The following MINDY3 variants were observed in gnomAD, a reference collection of about 807,000 sequenced individuals.
MINDY3 encodes MINDY lysine 48 deubiquitinase 3, also known as ubiquitin carboxyl-terminal hydrolase MINDY-3.
Under a neutral mutation model 69.2 loss-of-function variants are expected in MINDY3, and 38 were observed. The observed-to-expected ratio is 0.55, with a 90% CI of 0.42 to 0.72. The LOEUF (loss-of-function observed/expected upper bound fraction) is 0.72. Ranked by LOEUF, MINDY3 falls within the 30% of genes least tolerant of loss-of-function variation. The pLI, the probability that MINDY3 is intolerant of heterozygous loss-of-function variation, is 0.00. For synonymous variants in MINDY3, 192 were observed against 180.1 expected (o/e 1.07, Z -0.53); for missense variants, 522 against 519.0 (o/e 1.01, Z -0.06).
chr10:15,804,440 GA>G (rs1740083524), intron 10 of MINDY3, among the ~76,000 whole-genome samples: 1 of 152,092 alleles, frequency 6.6e-6, no homozygotes, highest in South Asian at 2.1e-4. Context: ...GTTGGCTGGG[GA>G]TAAGTAATTC....
At chr10:15,816,335 G>C (rs1443017304) in intron 10 of MINDY3, among the ~76,000 whole-genome samples, 1 of 150,368 alleles carries the variant, frequency 6.7e-6, no homozygotes, top group Non-Finnish European at 1.5e-5. Flanking sequence ...ATATATTTCA[G>C]CTATTTCAAT....
At chr10:15,800,422 C>A (rs1341998683) in intron 10 of MINDY3, among the ~76,000 whole-genome samples, 1 of 152,104 alleles carries the variant, frequency 6.6e-6, no homozygotes, top group Non-Finnish European at 1.5e-5. Context: ...ATCACCATCT[C>A]CTGATGCTAT....
At chr10:15,842,802 T>A (rs1472273557) in intron 3 of MINDY3, among the ~76,000 whole-genome samples, 2 of 149,540 alleles carry the variant, frequency 1.3e-5, no homozygotes, top group Non-Finnish European at 3.0e-5. Flanking sequence ...TGCAATTTCA[T>A]CCAAAATTAT....
At chr10:15,828,761 A>C (rs1840261753) in intron 8 of MINDY3, among the ~76,000 whole-genome samples, 1 of 152,214 alleles carries the variant, frequency 6.6e-6, no homozygotes, top group African/African-American at 2.4e-5. Context: ...CAAGGCAAAA[A>C]ACAGACTAGG....
intron 9 of MINDY3, chr10:15,818,117 G>C (rs1839499662): frequency 6.6e-6 from 1 of 152,086 alleles, no homozygotes; most frequent in South Asian, 2.1e-4. Flanking sequence ...TATACATAAG[G>C]AACCAGAGAA....
intron 14 of MINDY3, 116 bp from the exon 15 acceptor site, chr10:15,779,257 CTT>C (rs2131808670): frequency 1.3e-6 from 1 of 756,310 alleles, no homozygotes; most frequent in East Asian, 3.0e-5. Flanking sequence ...TCAGATGAAA[CTT>C]GACATGTAAT....
chr10:15,792,917 G>A (rs1837529543), intron 11 of MINDY3, among the ~76,000 whole-genome samples: 1 of 151,962 alleles, frequency 6.6e-6, no homozygotes, highest in Non-Finnish European at 1.5e-5. Context: ...ACAACACCAT[G>A]GTTAATGTAT....
chr10:15,838,647 G>A (rs1833252583), intron 4 of MINDY3, among the ~76,000 whole-genome samples: 1 of 151,544 alleles, frequency 6.6e-6, no homozygotes, highest in South Asian at 2.1e-4. Flanking sequence ...TATCATCAGA[G>A]CTAACCTTCC....
chr10:15,837,541 C>G (rs1429841019), intron 5 of MINDY3: 5 of 1,429,152 alleles, frequency 3.5e-6, no homozygotes, highest in East Asian at 3.3e-5. Flanking sequence ...AGAACACCTA[C>G]TTGGCAGGGA....
chr10:15,781,066 C>G (rs1836490736), intron 14 of MINDY3, among the ~76,000 whole-genome samples: 2 of 152,078 alleles, frequency 1.3e-5, no homozygotes, highest in Admixed American at 1.3e-4. Flanking sequence ...GTGCAAACAT[C>G]AAACTCTAGA....
intron 8 of MINDY3, among the ~76,000 whole-genome samples, chr10:15,826,536 C>T (rs952003899): frequency 6.6e-6 from 1 of 152,014 alleles, no homozygotes; most frequent in Non-Finnish European, 1.5e-5. Flanking sequence ...GTAACCAATC[C>T]AAATCTTCAA....
In MINDY3 at chr10:15,778,877, GTTA is replaced by G; in HGVS notation, c.*112_*114del. 2 of 777,494 alleles carry G rather than the reference GTTA, an allele frequency of 2.6e-6. No homozygotes were observed. Among genetic ancestry groups the G allele is most frequent in the Non-Finnish European group, 4.0e-6 (2 of 504,006 alleles). The allele number at this position is 777,494 out of a possible 1,614,324, so 48.2% of individuals were successfully genotyped here. ...AAACACTGAAAATGTGTTTTTAATT[GTTA>G]TTTACAGTTAATCAGTGATACCAGT... is the stretch of plus-strand genomic sequence containing the variant. On this transcript the variant is annotated 3_prime_UTR_variant, in exon 15 of 15. Transcript: ENST00000277632.
chr10:15,812,270 G>A (rs982472026), intron 10 of MINDY3, among the ~76,000 whole-genome samples: 1 of 152,088 alleles, frequency 6.6e-6, no homozygotes, highest in Non-Finnish European at 1.5e-5. Flanking sequence ...AAATTTCAAT[G>A]TTCTATAATT....
chr10:15,831,866 G>A lies in MINDY3; in HGVS notation c.730+1764C>T, dbSNP rs549736299. The stretch of plus-strand genomic sequence containing the variant: ...AATTTTTGTATTTCTAGTAGAGACG[G>A]GGTTTCACTGTGTTGGCCAGGCTGG... On this transcript the variant is annotated intron_variant, in intron 8 of 14. Transcript: ENST00000277632. Among the ~76,000 whole-genome samples the A allele has an allele frequency of 1.1e-4, 17 of 152,062 alleles. 1 individual carries two copies. The highest frequency in any genetic ancestry group is 3.4e-3 in the Middle Eastern group (1 of 292).
At chr10:15,794,504 T>C (rs1837659684) in intron 11 of MINDY3, among the ~76,000 whole-genome samples, 1 of 152,090 alleles carries the variant, frequency 6.6e-6, no homozygotes, top group Non-Finnish European at 1.5e-5. Flanking sequence ...TCTGAATAAG[T>C]TTTGCTTGCT....
At chr10:15,860,145 G>A (rs899342328) in intron 1 of MINDY3, 61 bp downstream of exon 1, 11 of 1,273,380 alleles carry the variant, frequency 8.6e-6, no homozygotes, top group Admixed American at 2.0e-5. Flanking sequence ...AGGCGTCACA[G>A]GCGGACTCTC....
intron 10 of MINDY3, among the ~76,000 whole-genome samples, chr10:15,814,018 C>T (rs1019347461): frequency 1.3e-5 from 2 of 149,524 alleles, no homozygotes; most frequent in African/African-American, 4.9e-5. Context: ...GAAAAACCCA[C>T]AGCCAAAACT....
At chr10:15,788,683 G>GA (rs1177456744) in intron 12 of MINDY3, 1 of 152,160 alleles carries the variant, frequency 6.6e-6, no homozygotes, top group Non-Finnish European at 1.5e-5. Context: ...GGAAGTTGTA[G>GA]ATGTAACAAT....
chr10:15,843,064 G>C (rs1483067017), intron 3 of MINDY3, 148 bp downstream of exon 3: 1 of 647,850 alleles, frequency 1.5e-6, no homozygotes. Context: ...GAAATATGGA[G>C]TCACTGTTCA....
Sources: gnomAD v4.1 joint callset for allele counts (sites outside exome capture counted in the v4.1 genomes callset) on GRCh38, gnomAD v4.1.1 for gene constraint, MANE v1.5 for transcripts, NCBI Gene and HGNC (gene_info 2026-07-23, HGNC 2026-07-21) for gene names.